Variants in NVL observed in about 807,000 individuals in gnomAD.
The protein encoded by NVL is nuclear valosin-containing protein-like.
A neutral mutation model predicts 110.2 loss-of-function variants in NVL; 84 were observed. The ratio of observed to expected loss-of-function variants is 0.76; its 90% CI spans 0.64 to 0.91. NVL has a LOEUF of 0.91. Ranked by LOEUF, NVL falls within the 40% of genes least tolerant of loss-of-function variation. The probability of loss-of-function intolerance (pLI) is 0.00; values close to 1 mark genes in which losing one functional copy is unlikely to be tolerated. For synonymous variants in NVL, 354 were observed against 361.1 expected (o/e 0.98, Z 0.22); for missense variants, 882 against 1,035.9 (o/e 0.85, Z 2.04).
At chr1:224,293,159 TC>T in intron 12 of NVL, among the ~76,000 whole-genome samples, 1 of 151,002 alleles carries the variant, frequency 6.6e-6, no homozygotes, top group South Asian at 2.1e-4. Context: ...AAGCTCCGCC[TC>T]CCGGGTTCAC....
In NVL at chr1:224,301,798, CAAAAAAAAA is replaced by C. The variant is rs61084002; in HGVS notation, c.961-1144_961-1136del. 255 of 75,908 alleles carry C rather than the reference CAAAAAAAAA, an allele frequency of 3.4e-3. 2 individuals are homozygous for C. Among genetic ancestry groups the C allele is most frequent in the African/African-American group, 7.4e-3 (171 of 23,216 alleles). 4.7% of individuals were successfully genotyped at this position (75,908 alleles called of 1,614,324 possible). On this transcript the variant is annotated intron_variant, in intron 9 of 22. Coordinates refer to ENST00000281701, the MANE Select transcript of NVL (RefSeq NM_002533.4). ...TGGGCAACAGAGAGAAAATCTGTTTCAAAAAAAAAAAAAAAAAAAAAAAGAGAGAAGAGA... is the reference window on the plus strand; with the variant it reads ...TGGGCAACAGAGAGAAAATCTGTTTCAAAAAAAAAAAAAAGAGAGAAGAGA...
intron 10 of NVL, among the ~76,000 whole-genome samples, chr1:224,299,711 T>C (rs1668211961): frequency 6.6e-6 from 1 of 152,242 alleles, no homozygotes; most frequent in Admixed American, 6.5e-5. Context: ...AGTTCAGCTT[T>C]GCTCTGCACT....
chr1:224,234,351 C>G (rs188916014), intron 20 of NVL, among the ~76,000 whole-genome samples: 1 of 151,896 alleles, frequency 6.6e-6, no homozygotes, highest in African/African-American at 2.4e-5. Flanking sequence ...CTATGATTCA[C>G]AAGTCTTGGA....
chr1:224,257,715 T>C (rs1045678741), intron 18 of NVL, among the ~76,000 whole-genome samples: 9 of 152,076 alleles, frequency 5.9e-5, no homozygotes, highest in African/African-American at 2.2e-4. Context: ...TTTTTGTGTA[T>C]TTTTTGTAGA....
chr1:224,302,853 C>G, intron 9 of NVL: 1 of 249,864 alleles, frequency 4.0e-6, no homozygotes, highest in Non-Finnish European at 8.1e-6. Context: ...AGTTTAAGAC[C>G]AGCCAGGCAA....
rs548639508 is a variant in NVL at position 224,255,933 on chromosome 1, G to A, written c.2183-5615C>T. Among the ~76,000 whole-genome samples, 6 of 152,118 alleles carry A rather than the reference G, an allele frequency of 3.9e-5. No individual in the cohort carries two copies. In the South Asian group the frequency reaches 1.0e-3, roughly 26 times the overall value. ...GAATTAAGGTTCAATTTTTCTTTTT[G>A]CATATGGATATTCAGTTGCTCCAGT... On this transcript the variant is annotated intron_variant, in intron 18 of 22. Coordinates refer to ENST00000281701, the MANE Select transcript of NVL (RefSeq NM_002533.4).
intron 19 of NVL, among the ~76,000 whole-genome samples, chr1:224,240,876 C>T (rs1260608369): frequency 8.0e-5 from 12 of 150,076 alleles, no homozygotes; most frequent in African/African-American, 2.7e-4. Context: ...CTGCAAGCTC[C>T]GCCTCCCGGG....
At chr1:224,235,015 C>G (rs1660307222) in intron 20 of NVL, among the ~76,000 whole-genome samples, 1 of 152,058 alleles carries the variant, frequency 6.6e-6, no homozygotes, top group African/African-American at 2.4e-5. Context: ...GTTGCCCAAG[C>G]TGGTCTTGAA....
At chr1:224,326,654 T>C (rs923350005) in intron 1 of NVL, among the ~76,000 whole-genome samples, 190 bp from the exon 2 acceptor site, 1 of 152,190 alleles carries the variant, frequency 6.6e-6, no homozygotes, top group African/African-American at 2.4e-5. Context: ...ATTAACATTA[T>C]TAATCACTAT....
intron 13 of NVL, 173 bp downstream of exon 13, chr1:224,289,311 C>A: frequency 7.0e-6 from 4 of 567,648 alleles, no homozygotes; most frequent in South Asian, 6.6e-5. Context: ...AAACATAAAA[C>A]AACTCATATT....
At chr1:224,326,530 G>A in intron 1 of NVL, 66 bp from the exon 2 acceptor site, 1 of 1,058,836 alleles carries the variant, frequency 9.4e-7, no homozygotes, top group South Asian at 1.3e-5. Flanking sequence ...TTAATCAACA[G>A]ATTGAGCTAT....
Position 224,287,974 on chromosome 1 carries a change from A to T in NVL, c.1595T>A (p.Leu532Gln), listed in dbSNP as rs773501407. The change falls in exon 14 of 23, where the codon CTG becomes CAG. Residue 532 changes from leucine (L) to glutamine (Q), a missense_variant. This residue lies in a region of NVL where 416 missense variants were observed against 499.3 expected (regional missense o/e 0.83). Transcript: ENST00000281701. The part of the protein sequence containing the change: ...SETQDELQRL[L>Q]GLLRDQDPLS... ...GGGATCTTGGTCTCTTAGCAACCCC[A>T]GCAGCCTTTGTAATTCATCCTTGAA... is the stretch of plus-strand genomic sequence containing the variant. The T allele has an allele frequency of 2.9e-5, 46 of 1,613,146 alleles. No homozygotes were observed. Among genetic ancestry groups the T allele is most frequent in the Middle Eastern group, 1.9e-4 (1 of 5,380 alleles).
At chr1:224,316,916 T>A (rs1670141160) in intron 4 of NVL, among the ~76,000 whole-genome samples, 2 of 152,156 alleles carry the variant, frequency 1.3e-5, no homozygotes, top group Non-Finnish European at 2.9e-5. Flanking sequence ...GATGTGCGGA[T>A]CACTAGAAGT....
intron 9 of NVL, chr1:224,303,005 C>A: frequency 4.5e-6 from 1 of 222,462 alleles, no homozygotes; most frequent in Non-Finnish European, 9.5e-6. Context: ...GCCATGATTG[C>A]ACCATTGCAC....
intron 18 of NVL, among the ~76,000 whole-genome samples, chr1:224,252,079 C>CTCCCA (rs1209703965): frequency 2.0e-5 from 3 of 152,166 alleles, no homozygotes; most frequent in African/African-American, 4.8e-5. Context: ...ATTCTTCCAA[C>CTCCCA]TCCCACGCCC....
intron 5 of NVL, among the ~76,000 whole-genome samples, chr1:224,311,261 A>G (rs960167025): frequency 2.7e-5 from 4 of 150,686 alleles, no homozygotes; most frequent in Admixed American, 6.6e-5. Context: ...GGGTTGTGCC[A>G]TGTTGCACAG....
intron 18 of NVL, among the ~76,000 whole-genome samples, chr1:224,267,692 A>G (rs1036006108): frequency 2.6e-5 from 4 of 151,782 alleles, no homozygotes; most frequent in Non-Finnish European, 4.4e-5. Flanking sequence ...GTCTCAAAAA[A>G]AAAAAAAAAA....
At chr1:224,323,171 T>A (rs999768311) in intron 2 of NVL, among the ~76,000 whole-genome samples, 1 of 152,216 alleles carries the variant, frequency 6.6e-6, no homozygotes, top group Non-Finnish European at 1.5e-5. Flanking sequence ...GGCAGAGGAC[T>A]TGTGTTTTAC....
intron 16 of NVL, among the ~76,000 whole-genome samples, chr1:224,277,310 G>A (rs560754879): frequency 1.3e-5 from 2 of 152,142 alleles, no homozygotes; most frequent in African/African-American, 4.8e-5. Context: ...AATAAACAGT[G>A]TACAAATATA....
Sources: allele counts gnomAD v4.1 joint callset (sites outside exome capture counted in the v4.1 genomes callset), GRCh38; gene constraint gnomAD v4.1.1; regional missense constraint gnomAD v4.1.1; transcripts MANE v1.5; gene names NCBI Gene and HGNC (gene_info 2026-07-23, HGNC 2026-07-21).